Variants in NECAB1 observed in about 807,000 individuals in gnomAD.
NECAB1 encodes N-terminal EF-hand calcium binding protein 1.
A neutral mutation model predicts 57.5 loss-of-function variants in NECAB1; 29 were observed. That is an observed-to-expected ratio of 0.50 (90% CI 0.38 to 0.69). NECAB1 has a LOEUF of 0.69. NECAB1 is among the 30% of genes least tolerant of loss of function. The pLI is 0.00. For synonymous variants in NECAB1, 142 were observed against 147.7 expected (o/e 0.96, Z 0.28); for missense variants, 372 against 413.8 (o/e 0.90, Z 0.88).
intron 10 of NECAB1, among the ~76,000 whole-genome samples, chr8:90,943,284 T>C (rs1810720125): frequency 6.6e-6 from 1 of 152,234 alleles, no homozygotes; most frequent in South Asian, 2.1e-4. Flanking sequence ...TCCTGTAAGA[T>C]AGATTTTCAG....
At chr8:90,932,847 C>T (rs1202632225) in intron 8 of NECAB1, among the ~76,000 whole-genome samples, 2 of 152,132 alleles carry the variant, frequency 1.3e-5, no homozygotes, top group Non-Finnish European at 2.9e-5. Context: ...GAATGAAGTT[C>T]TCAGAGATGA....
At chr8:90,911,373 G>T (rs1809825938) in intron 5 of NECAB1, among the ~76,000 whole-genome samples, 1 of 151,998 alleles carries the variant, frequency 6.6e-6, no homozygotes, top group South Asian at 2.1e-4. Flanking sequence ...AGAGAGAGGG[G>T]AATGCAAGAA....
intron 5 of NECAB1, among the ~76,000 whole-genome samples, chr8:90,909,478 T>G (rs1809774984): frequency 6.6e-6 from 1 of 152,102 alleles, no homozygotes; most frequent in Non-Finnish European, 1.5e-5. Flanking sequence ...CTAAGATTCC[T>G]GAGGAAGGGC....
At chr8:90,848,823 A>G (rs750041018) in intron 3 of NECAB1, among the ~76,000 whole-genome samples, 2 of 152,088 alleles carry the variant, frequency 1.3e-5, no homozygotes, top group Non-Finnish European at 2.9e-5. Context: ...TGTCTCTACT[A>G]AAACAAATAC....
At chr8:90,862,031 C>G (rs193203425) in intron 3 of NECAB1, among the ~76,000 whole-genome samples, 14 of 152,252 alleles carry the variant, frequency 9.2e-5, no homozygotes, top group African/African-American at 3.1e-4. Context: ...GTATCAGATA[C>G]TTTTCAATTA....
intron 5 of NECAB1, among the ~76,000 whole-genome samples, chr8:90,911,679 T>C (rs901393883): frequency 6.6e-6 from 1 of 152,150 alleles, no homozygotes; most frequent in African/African-American, 2.4e-5. Flanking sequence ...GGAAAATTAA[T>C]ATTTGTGAAG....
chr8:90,836,110 G>A (rs983767002), intron 3 of NECAB1, among the ~76,000 whole-genome samples: 1 of 152,132 alleles, frequency 6.6e-6, no homozygotes, highest in Non-Finnish European at 1.5e-5. Flanking sequence ...AATTTTGGAT[G>A]TAAATGTGGA....
At chr8:90,897,087 T>TA (rs554198824) in intron 5 of NECAB1, among the ~76,000 whole-genome samples, 9 of 151,962 alleles carry the variant, frequency 5.9e-5, no homozygotes, top group Non-Finnish European at 1.2e-4. Context: ...AAAAAATAAT[T>TA]AAAAAAAAGA....
chr8:90,825,569 TC>T (rs1215846468), intron 3 of NECAB1, among the ~76,000 whole-genome samples: 2 of 151,844 alleles, frequency 1.3e-5, no homozygotes, highest in African/African-American at 4.8e-5. Context: ...TATCAGTGTG[TC>T]CATTGCTTGA....
chr8:90,900,426 G>A (rs1038165035), intron 5 of NECAB1, among the ~76,000 whole-genome samples: 7 of 152,166 alleles, frequency 4.6e-5, no homozygotes, highest in Non-Finnish European at 8.8e-5. Flanking sequence ...CCAGTTCCAG[G>A]ATGGAAACTG....
intron 1 of NECAB1, among the ~76,000 whole-genome samples, chr8:90,798,536 G>C (rs564081240): frequency 3.6e-4 from 55 of 152,262 alleles, no homozygotes; most frequent in Non-Finnish European, 3.1e-4. Flanking sequence ...ACTTATAAGT[G>C]AGAATATGCA....
chr8:90,885,359 A>C (rs1371616987), intron 5 of NECAB1, among the ~76,000 whole-genome samples: 1 of 152,212 alleles, frequency 6.6e-6, no homozygotes, highest in East Asian at 1.9e-4. Flanking sequence ...CTGCAGCCCC[A>C]CCAGACTCTT....
intron 5 of NECAB1, among the ~76,000 whole-genome samples, chr8:90,907,146 G>GAGAGAGAC (rs2130063847): frequency 9.0e-6 from 1 of 111,010 alleles, no homozygotes; most frequent in African/African-American, 4.8e-5. Flanking sequence ...GTGTGTGTGT[G>GAGAGAGAC]TGTGTGAGAG....
intron 5 of NECAB1, among the ~76,000 whole-genome samples, chr8:90,889,409 T>C (rs554970329): frequency 7.9e-5 from 12 of 152,340 alleles, no homozygotes; most frequent in African/African-American, 2.9e-4. Flanking sequence ...GAAGCTATTA[T>C]AGTTTCTAGT....
chr8:90,957,699 A>G lies in NECAB1; in HGVS notation c.*2187A>G, dbSNP rs1349493239. On this transcript the variant is annotated 3_prime_UTR_variant, in exon 13 of 13. Transcript: ENST00000417640. ...AAAAAAAAAAAGAAAAAGAAAAAGAAAAAAGAAAAAAAAAGAAAAAACTGG... is the reference window on the plus strand; with the variant it reads ...AAAAAAAAAAAGAAAAAGAAAAAGAGAAAAGAAAAAAAAAGAAAAAACTGG... 1 of 149,842 alleles carries G rather than the reference A, an allele frequency of 6.7e-6. No individual in the cohort carries two copies. The highest frequency in any genetic ancestry group is 1.5e-5 in the Non-Finnish European group (1 of 67,328). 9.3% of individuals were successfully genotyped at this position (149,842 alleles called of 1,614,324 possible). A position where few individuals can be genotyped will look rare whatever the true frequency, so the allele number is the denominator to read the frequency against.
intron 5 of NECAB1, among the ~76,000 whole-genome samples, chr8:90,905,593 T>A (rs1809620637): frequency 1.3e-5 from 2 of 152,238 alleles, no homozygotes; most frequent in South Asian, 4.1e-4. Context: ...AAGGTTTTAC[T>A]ATATTGCATC....
rs1261153521 is a variant in NECAB1 at position 90,958,414 on chromosome 8, G to A, written c.*2902G>A. 1 of 151,374 alleles carries A rather than the reference G, an allele frequency of 6.6e-6. No homozygotes were observed. Among genetic ancestry groups the A allele is most frequent in the African/African-American group, 2.4e-5 (1 of 41,332 alleles). The allele number at this position is 151,374 out of a possible 1,614,324, so 9.4% of individuals were successfully genotyped here. A position where few individuals can be genotyped will look rare whatever the true frequency, so the allele number is the denominator to read the frequency against. On this transcript the variant is annotated 3_prime_UTR_variant, in exon 13 of 13. Transcript: ENST00000417640. Reference sequence around the variant, plus strand: ...TCTCTGCTAGTAATTATGAATTTAAGACCATATTATTATCAAAAACCTAGA... The same window carrying A: ...TCTCTGCTAGTAATTATGAATTTAAAACCATATTATTATCAAAAACCTAGA...
At chr8:90,907,992 A>G (rs1809735091) in intron 5 of NECAB1, among the ~76,000 whole-genome samples, 3 of 152,202 alleles carry the variant, frequency 2.0e-5, no homozygotes. Flanking sequence ...CTGTCACAAA[A>G]TTTGTTTAGA....
intron 2 of NECAB1, among the ~76,000 whole-genome samples, chr8:90,807,012 C>T (rs1391890057): frequency 2.0e-5 from 3 of 152,044 alleles, no homozygotes; most frequent in Non-Finnish European, 4.4e-5. Flanking sequence ...GTTGTATATG[C>T]ACCTATGTCA....
Sources: gnomAD v4.1 joint callset for allele counts (sites outside exome capture counted in the v4.1 genomes callset) on GRCh38, gnomAD v4.1.1 for gene constraint, MANE v1.5 for transcripts, NCBI Gene and HGNC (gene_info 2026-07-23, HGNC 2026-07-21) for gene names.